FLRT2: variants seen among roughly 807,000 people sequenced by gnomAD.
FLRT2 encodes fibronectin leucine rich transmembrane protein 2, also known as leucine-rich repeat transmembrane protein FLRT2.
A neutral mutation model predicts 40.0 loss-of-function variants in FLRT2; 15 were observed. The observed-to-expected ratio is 0.38, with a 90% CI of 0.25 to 0.58. The LOEUF is 0.58. Ranked by LOEUF, FLRT2 falls within the 20% of genes least tolerant of loss-of-function variation. The pLI, the probability that FLRT2 is intolerant of heterozygous loss-of-function variation, is 0.71. For synonymous variants in FLRT2, 380 were observed against 336.8 expected (o/e 1.13, Z -1.41); for missense variants, 726 against 840.0 (o/e 0.86, Z 1.68).
At chr14:85,580,286 G>T (rs1891325078) in intron 1 of FLRT2, among the ~76,000 whole-genome samples, 1 of 152,152 alleles carries the variant, frequency 6.6e-6, no homozygotes, top group Admixed American at 6.5e-5. Flanking sequence ...GCCAGGGAAG[G>T]TACTGTTGGT....
At chr14:85,564,158 C>G (rs111282086) in intron 1 of FLRT2, among the ~76,000 whole-genome samples, 3,732 of 152,278 alleles carry the variant, frequency 0.025, 73 homozygotes, top group Non-Finnish European at 0.039. Flanking sequence ...ACTTGGCTAC[C>G]TGCTCTTCTC....
In FLRT2 at chr14:85,638,544, G is replaced by A. The variant is rs542856036; in HGVS notation, c.*15047G>A. The A allele has an allele frequency of 5.9e-5, 9 of 152,322 alleles. No homozygotes were observed. The highest frequency in any genetic ancestry group is 4.6e-4 in the Admixed American group (7 of 15,290). 9.4% of individuals were successfully genotyped at this position (152,322 alleles called of 1,614,324 possible). ...AAAAACCCTCCCAAGTAAGCCTCTTGTATGCTACTCTGTCTCAGAGTCCAT... is the reference window on the plus strand; with the variant it reads ...AAAAACCCTCCCAAGTAAGCCTCTTATATGCTACTCTGTCTCAGAGTCCAT... On this transcript the variant is annotated 3_prime_UTR_variant, in exon 2 of 2. Transcript: ENST00000330753.
At chr14:85,592,512 G>T (rs1444685130) in intron 1 of FLRT2, among the ~76,000 whole-genome samples, 1 of 152,066 alleles carries the variant, frequency 6.6e-6, no homozygotes, top group African/African-American at 2.4e-5. Flanking sequence ...AATCAGCCGG[G>T]TGCAGTGGCG....
chr14:85,577,762 G>A (rs1320199052), intron 1 of FLRT2, among the ~76,000 whole-genome samples: 2 of 151,802 alleles, frequency 1.3e-5, no homozygotes, highest in South Asian at 4.2e-4. Context: ...AAGGTTTTTT[G>A]TAGACATGGA....
In FLRT2 at chr14:85,649,655, A is replaced by G. The variant is rs1894387726; in HGVS notation, c.*26158A>G. 3 of 152,228 alleles carry G rather than the reference A, an allele frequency of 2.0e-5. No individual in the cohort carries two copies. The South Asian group carries it at 6.2e-4, about 32-fold the overall frequency. The allele number at this position is 152,228 out of a possible 1,614,324, so 9.4% of individuals were successfully genotyped here. On this transcript the variant is annotated 3_prime_UTR_variant, in exon 2 of 2. Transcript: ENST00000330753. ...AAAGGATTTTAAGATAAATTCTTTC[A>G]TACTGGAATTTGTGATACTATCCAC...
At chr14:85,566,983 T>G (rs980988508) in intron 1 of FLRT2, among the ~76,000 whole-genome samples, 3 of 152,162 alleles carry the variant, frequency 2.0e-5, no homozygotes, top group Non-Finnish European at 4.4e-5. Context: ...TTTCCATGGG[T>G]CACACAAAAT....
intron 1 of FLRT2, among the ~76,000 whole-genome samples, chr14:85,591,720 T>C (rs1320124312): frequency 6.6e-6 from 1 of 152,152 alleles, no homozygotes; most frequent in African/African-American, 2.4e-5. Flanking sequence ...TTTTGCCAAT[T>C]AGTACATGAA....
Position 85,639,495 on chromosome 14 carries a change from A to G in FLRT2, c.*15998A>G, listed in dbSNP as rs1310685130. ...TGCAAGTAGAAGAAGGGGCCCCACCAGTCATTCTGAGACGTGTTTCCATTT... is the reference window on the plus strand; with the variant it reads ...TGCAAGTAGAAGAAGGGGCCCCACCGGTCATTCTGAGACGTGTTTCCATTT... On this transcript the variant is annotated 3_prime_UTR_variant, in exon 2 of 2. Transcript: ENST00000330753. 2 of 152,184 alleles carry G rather than the reference A, an allele frequency of 1.3e-5. No homozygotes were observed. Among genetic ancestry groups the G allele is most frequent in the Non-Finnish European group, 2.9e-5 (2 of 68,046 alleles). The allele number at this position is 152,184 out of a possible 1,614,324, so 9.4% of individuals were successfully genotyped here.
chr14:85,580,724 G>A (rs925270676), intron 1 of FLRT2, among the ~76,000 whole-genome samples: 2 of 127,224 alleles, frequency 1.6e-5, no homozygotes, highest in African/African-American at 6.3e-5. Flanking sequence ...GTGGGCTGGT[G>A]AGGAAAGGAA....
intron 1 of FLRT2, among the ~76,000 whole-genome samples, chr14:85,537,931 G>C (rs533545743): frequency 6.6e-6 from 1 of 151,004 alleles, no homozygotes; most frequent in Non-Finnish European, 1.5e-5. Flanking sequence ...TCTTTGAAGT[G>C]ATTCAAAATT....
chr14:85,588,758 C>T (rs10136354), intron 1 of FLRT2, among the ~76,000 whole-genome samples: 75,833 of 151,872 alleles, frequency 0.5, 19,715 homozygotes, highest in East Asian at 0.77. Context: ...ACTTTTCCCC[C>T]ACCCCAGCCC....
chr14:85,548,892 C>A (rs1889440154), intron 1 of FLRT2, among the ~76,000 whole-genome samples: 1 of 152,170 alleles, frequency 6.6e-6, no homozygotes, highest in Non-Finnish European at 1.5e-5. Context: ...CCCATAAAAA[C>A]CACAGGCCCC....
chr14:85,654,236 C>T lies in FLRT2; in HGVS notation c.*30739C>T, dbSNP rs1473592873. Reference sequence around the variant, plus strand: ...TGGATTTGAGACAGTTATGAAAATGCCATGGTATCATTCTGTAAATAACTT... The same window carrying T: ...TGGATTTGAGACAGTTATGAAAATGTCATGGTATCATTCTGTAAATAACTT... On this transcript the variant is annotated 3_prime_UTR_variant, in exon 2 of 2. Coordinates refer to ENST00000330753, the MANE Select transcript of FLRT2 (RefSeq NM_013231.6). The T allele has an allele frequency of 1.3e-5, 2 of 152,010 alleles. No homozygotes were observed. Among genetic ancestry groups the T allele is most frequent in the Non-Finnish European group, 2.9e-5 (2 of 68,004 alleles). 9.4% of individuals were successfully genotyped at this position (152,010 alleles called of 1,614,324 possible).
chr14:85,551,770 G>A (rs1471436093), intron 1 of FLRT2: 1 of 152,184 alleles, frequency 6.6e-6, no homozygotes, highest in African/African-American at 2.4e-5. Context: ...CATGTGGTGA[G>A]AAACTTGAAG....
intron 1 of FLRT2, among the ~76,000 whole-genome samples, chr14:85,536,773 G>T (rs1383697340): frequency 2.0e-5 from 3 of 151,710 alleles, no homozygotes; most frequent in African/African-American, 4.9e-5. Context: ...GTTCAATATG[G>T]ATAATGACAT....
At chr14:85,550,735 A>T (rs1341085246) in intron 1 of FLRT2, among the ~76,000 whole-genome samples, 10 of 151,788 alleles carry the variant, frequency 6.6e-5, no homozygotes, top group Admixed American at 5.3e-4. Flanking sequence ...TATAGAACAC[A>T]TTTTTTTTAA....
intron 1 of FLRT2, among the ~76,000 whole-genome samples, chr14:85,550,415 G>A (rs1290532100): frequency 6.6e-6 from 1 of 152,162 alleles, no homozygotes; most frequent in Non-Finnish European, 1.5e-5. Context: ...AGGCAGATCA[G>A]GTAAATGAGT....
chr14:85,598,548 T>A (rs1448976789), intron 1 of FLRT2, among the ~76,000 whole-genome samples: 1 of 152,214 alleles, frequency 6.6e-6, no homozygotes, highest in Non-Finnish European at 1.5e-5. Flanking sequence ...TCCACTGAAT[T>A]CATCGTAGGG....
chr14:85,635,018 G>A lies in FLRT2; in HGVS notation c.*11521G>A, dbSNP rs1893969466. The A allele has an allele frequency of 6.6e-6, 1 of 152,146 alleles. No homozygotes were observed. 9.4% of individuals were successfully genotyped at this position (152,146 alleles called of 1,614,324 possible). The stretch of plus-strand genomic sequence containing the variant: ...GTGTGCTTTTAAAATTCAGGAAGAT[G>A]TGACTAGGATAGATAAAGCAAACAT... On this transcript the variant is annotated 3_prime_UTR_variant, in exon 2 of 2. Coordinates refer to ENST00000330753, the MANE Select transcript of FLRT2 (RefSeq NM_013231.6).
Sources: gnomAD v4.1 joint callset for allele counts (sites outside exome capture counted in the v4.1 genomes callset) on GRCh38, gnomAD v4.1.1 for gene constraint, MANE v1.5 for transcripts, NCBI Gene and HGNC (gene_info 2026-07-23, HGNC 2026-07-21) for gene names.